WDR86: variants seen among roughly 807,000 people sequenced by gnomAD.
WDR86 encodes the protein WD repeat-containing protein 86.
Under a neutral mutation model 36.5 loss-of-function variants are expected in WDR86, and 30 were observed. The observed-to-expected ratio is 0.82, with a 90% CI of 0.61 to 1.11. WDR86 has a LOEUF of 1.11. Ranked by LOEUF, WDR86 falls within the 50% of genes most tolerant of loss-of-function variation. The probability of loss-of-function intolerance (pLI) is 0.00; values close to 1 mark genes in which losing one functional copy is unlikely to be tolerated. For missense variants in WDR86, 545 were observed against 561.2 expected (o/e 0.97, Z 0.29); for synonymous variants, 255 against 252.9 (o/e 1.01, Z -0.08).
intron 3 of WDR86, 49 bp downstream of exon 3, chr7:151,395,727 G>A: frequency 6.6e-7 from 1 of 1,505,046 alleles, no homozygotes; most frequent in Non-Finnish European, 8.9e-7. Context: ...CAGTGCAGGG[G>A]GTGACCTGGG....
At position 151,409,188 on chromosome 7, in the gene WDR86, C is replaced by T. The variant is rs1171736036; in HGVS notation, c.163+239G>A. On this transcript the variant is annotated intron_variant, in intron 1 of 5. Transcript: ENST00000334493. The surrounding 1 kb of genome is among the most constrained non-coding windows in gnomAD (Gnocchi z 5.2). ...TTTGTAGCGGACGCCCCTCGACCCACCCACCCGATCCCGGCCGCACCCTGC... is the reference window on the plus strand; with the variant it reads ...TTTGTAGCGGACGCCCCTCGACCCATCCACCCGATCCCGGCCGCACCCTGC... 3.3e-6 allele frequency: 2 copies of T among 612,506 alleles called. No homozygotes were observed. The highest frequency in any genetic ancestry group is 5.9e-6 in the Non-Finnish European group (2 of 336,576). 37.9% of individuals were successfully genotyped at this position (612,506 alleles called of 1,614,324 possible).
chr7:151,393,621 C>T (rs905691589), intron 3 of WDR86, among the ~76,000 whole-genome samples: 49 of 152,162 alleles, frequency 3.2e-4, no homozygotes, highest in Non-Finnish European at 6.3e-4. Flanking sequence ...ACAGGCCTCC[C>T]AGCGAACTCC....
Position 151,409,585 on chromosome 7 carries a change from C to T in WDR86, c.5G>A (p.Gly2Glu). The T allele has an allele frequency of 1.4e-6, 2 of 1,386,814 alleles. No homozygotes were observed. The highest frequency in any genetic ancestry group is 1.9e-6 in the Non-Finnish European group (2 of 1,073,840). The allele number at this position is 1,386,814 out of a possible 1,614,324, so 85.9% of individuals were successfully genotyped here. The change falls in exon 1 of 6, where the codon GGG becomes GAG. Residue 2 changes from glycine to glutamate, a missense_variant. By Grantham distance (98) the Gly-to-Glu change is moderately conservative (BLOSUM62 -2). Transcript: ENST00000334493. The surrounding 1 kb of genome is among the most constrained non-coding windows in gnomAD (Gnocchi z 5.2). ...GACCCTCAGGGCCGACCCGCCGCCC[C>T]CCATCCCGCTGGCAGGGCGGGGAAC... M[G>E]GGGSALRVCA...
At chr7:151,379,678 C>G (rs1326276892), downstream of WDR86, among the ~76,000 whole-genome samples, 1 of 152,154 alleles carries the variant, frequency 6.6e-6, no homozygotes, top group Non-Finnish European at 1.5e-5. Flanking sequence ...ATGTGTGTTG[C>G]TATAAAAATG....
At chr7:151,374,329 C>T (rs1200321245), downstream of WDR86, 16 of 1,469,034 alleles carry the variant, frequency 1.1e-5, no homozygotes, top group Middle Eastern at 1.7e-4. Flanking sequence ...AGCATCCTCC[C>T]GGGCTCACTC....
Position 151,381,478 on chromosome 7 carries a change from C to T in WDR86, c.*104G>A. The T allele has an allele frequency of 1.4e-6, 2 of 1,470,034 alleles. No homozygotes were observed. Among genetic ancestry groups the T allele is most frequent in the Non-Finnish European group, 1.8e-6 (2 of 1,120,556 alleles). The allele number at this position is 1,470,034 out of a possible 1,614,324, so 91.1% of individuals were successfully genotyped here. Reference sequence around the variant, plus strand: ...TCCTCCCGCCCGGGCTTCCTCGCTCCTCGCCCCTCGCCGGCCATCGGGCGC... The same window carrying T: ...TCCTCCCGCCCGGGCTTCCTCGCTCTTCGCCCCTCGCCGGCCATCGGGCGC... On this transcript the variant is annotated 3_prime_UTR_variant, in exon 6 of 6. Coordinates refer to ENST00000334493, the MANE Select transcript of WDR86 (RefSeq NM_198285.3). The surrounding 1 kb of genome is among the most constrained non-coding windows in gnomAD (Gnocchi z 4.8).
At chr7:151,395,668 T>A in intron 3 of WDR86, 108 bp downstream of exon 3, 1 of 1,338,590 alleles carries the variant, frequency 7.5e-7, no homozygotes, top group Non-Finnish European at 1.0e-6. Flanking sequence ...GGCCCCCATC[T>A]GCAGCGCTTT....
intron 3 of WDR86, among the ~76,000 whole-genome samples, chr7:151,391,549 C>T (rs114545580): frequency 0.024 from 3,670 of 152,180 alleles, 65 homozygotes; most frequent in East Asian, 0.067. Flanking sequence ...ACTGAGGGTC[C>T]GGCTGGATTC....
chr7:151,380,744 T>C (rs1270402426), downstream of WDR86, among the ~76,000 whole-genome samples: 1 of 152,044 alleles, frequency 6.6e-6, no homozygotes, highest in East Asian at 1.9e-4. Flanking sequence ...GGCGCTGCCC[T>C]GGCTCCTGTG....
Position 151,381,443 on chromosome 7 carries a change from C to A in WDR86, c.*139G>T. The A allele has an allele frequency of 1.3e-6, 2 of 1,492,034 alleles. No homozygotes were observed. Among genetic ancestry groups the A allele is most frequent in the Non-Finnish European group, 1.8e-6 (2 of 1,128,706 alleles). 92.4% of individuals were successfully genotyped at this position (1,492,034 alleles called of 1,614,324 possible). ...CCACCAAAGAAAAACCAGACGCCTG[C>A]GACGGGCTCTCCTCCCGCCCGGGCT... On this transcript the variant is annotated 3_prime_UTR_variant, in exon 6 of 6. Coordinates refer to ENST00000334493, the MANE Select transcript of WDR86 (RefSeq NM_198285.3). This position sits in a 1 kb window ranked among gnomAD's most constrained non-coding sequence, Gnocchi z 4.8.
At chr7:151,392,607 A>T (rs1169594611) in intron 3 of WDR86, among the ~76,000 whole-genome samples, 3 of 152,076 alleles carry the variant, frequency 2.0e-5, no homozygotes, top group African/African-American at 7.2e-5. Context: ...CCAGGTCGGG[A>T]GGCCGAGTCT....
intron 3 of WDR86, among the ~76,000 whole-genome samples, chr7:151,395,529 AC>A (rs1799754662): frequency 7.8e-6 from 1 of 128,954 alleles, no homozygotes; most frequent in African/African-American, 2.7e-5. Flanking sequence ...ACACACACAC[AC>A]ACACACACGA....
chr7:151,374,420 G>GT, downstream of WDR86: 1 of 809,442 alleles, frequency 1.2e-6, no homozygotes, highest in Non-Finnish European at 2.0e-6. Flanking sequence ...GTGAGGCCAC[G>GT]TGAGGCCCCA....
At position 151,388,851 on chromosome 7, in the gene WDR86, C is replaced by T. The variant is rs565962385; in HGVS notation, c.727-3628G>A. Among the ~76,000 whole-genome samples, 39 of 152,192 alleles carry T rather than the reference C, an allele frequency of 2.6e-4. No homozygotes were observed. The South Asian group carries it at 4.8e-3, about 19-fold the overall frequency. ...CCCCAAATTCATGCTGGAACTTAAC[C>T]CCCACTGTGATAGCATTAGGAAGTA... On this transcript the variant is annotated intron_variant, in intron 3 of 5. Transcript: ENST00000334493. This position sits in a 1 kb window ranked among gnomAD's most constrained non-coding sequence, Gnocchi z 4.2.
At chr7:151,369,946 CATTCCGT>C in the WDR86 span, among the ~76,000 whole-genome samples, 17 of 152,310 alleles carry the variant, frequency 1.1e-4, no homozygotes, top group South Asian at 1.5e-3. Flanking sequence ...TTCGTGGGTT[CATTCCGT>C]GGTGAGCAGT....
chr7:151,409,892 C>A lies in WDR86; in HGVS notation c.-303G>T, dbSNP rs1194191179. ...TTCCCAGCACCGCTCGGAGGATCCA[C>A]ACCCCACCGGGCGAACAAGGCAGCT... On this transcript the variant is annotated 5_prime_UTR_variant, in exon 1 of 6. Transcript: ENST00000334493. The surrounding 1 kb of genome is among the most constrained non-coding windows in gnomAD (Gnocchi z 5.2). The A allele has an allele frequency of 8.7e-7, 1 of 1,144,474 alleles. No homozygotes were observed. The highest frequency in any genetic ancestry group is 1.1e-6 in the Non-Finnish European group (1 of 932,500). The allele number at this position is 1,144,474 out of a possible 1,614,324, so 70.9% of individuals were successfully genotyped here.
chr7:151,378,023 T>TATC (rs1245671821), downstream of WDR86: 1 of 152,286 alleles, frequency 6.6e-6, no homozygotes, highest in East Asian at 1.9e-4. Flanking sequence ...CTAAGAGACC[T>TATC]ATCAGAGATT....
At position 151,395,913 on chromosome 7, in the gene WDR86, G is replaced by C; in HGVS notation, c.589C>G (p.Leu197Val). 1 of 1,601,120 alleles carries C rather than the reference G, an allele frequency of 6.2e-7. No individual in the cohort carries two copies. Among genetic ancestry groups the C allele is most frequent in the Non-Finnish European group, 8.5e-7 (1 of 1,176,676 alleles). Residue 197 changes from leucine (L) to valine (V), a missense_variant, in exon 3 of 6, where the codon CTG becomes GTG. By Grantham distance (32) the Leu-to-Val change is conservative (BLOSUM62 1). Coordinates refer to ENST00000334493, the MANE Select transcript of WDR86 (RefSeq NM_198285.3). Reference protein sequence around the residue: ...QTLRGHTGAVLCLVLDTPGHT... With the variant: ...QTLRGHTGAVVCLVLDTPGHT... ...CCGGGCGTGTCTAGCACTAGGCACA[G>C]CACTGCACCCGTGTGGCCCCGCAGC...
chr7:151,380,520 C>T (rs537656846), downstream of WDR86, among the ~76,000 whole-genome samples: 1 of 152,222 alleles, frequency 6.6e-6, no homozygotes, highest in East Asian at 1.9e-4. Context: ...CAGCTTCTCT[C>T]CTGGCACCCG....
Sources: gnomAD v4.1 joint callset for allele counts (sites outside exome capture counted in the v4.1 genomes callset) on GRCh38, gnomAD v4.1.1 for gene constraint, Gnocchi (gnomAD v3.1) non-coding constraint, MANE v1.5 for transcripts, NCBI Gene and HGNC (gene_info 2026-07-23, HGNC 2026-07-21) for gene names.